Variants in NDEL1 observed in about 807,000 individuals in gnomAD.
The protein encoded by NDEL1 is nudE neurodevelopment protein 1 like 1.
A neutral mutation model predicts 45.7 loss-of-function variants in NDEL1; 9 were observed. The observed-to-expected ratio is 0.20, with a 90% CI of 0.12 to 0.34. NDEL1 has a LOEUF of 0.34. Ranked by LOEUF, NDEL1 falls within the 10% of genes least tolerant of loss-of-function variation. NDEL1 has a pLI of 1.00. For synonymous variants in NDEL1, 133 were observed against 158.6 expected, an observed-to-expected ratio of 0.84 and a Z score of 1.21; for missense variants, 306 against 406.2, an observed-to-expected ratio of 0.75 and a Z score of 2.12.
upstream of NDEL1, among the ~76,000 whole-genome samples, chr17:8,434,254 C>T (rs1195507767): frequency 6.6e-6 from 1 of 152,200 alleles, no homozygotes; most frequent in Non-Finnish European, 1.5e-5. Flanking sequence ...TAGACGGAGT[C>T]TCACTCTGTC....
At chr17:8,438,814 C>T (rs1269785832) in intron 1 of NDEL1, among the ~76,000 whole-genome samples, 1 of 152,016 alleles carries the variant, frequency 6.6e-6, no homozygotes, top group Non-Finnish European at 1.5e-5. Context: ...CTGTGCCTGG[C>T]CAGAATCTGA....
chr17:8,425,407 C>A (rs1908807367), intron 1 of NDEL1, among the ~76,000 whole-genome samples: 1 of 152,112 alleles, frequency 6.6e-6, no homozygotes, highest in South Asian at 2.1e-4. Flanking sequence ...CGTGGTGAAA[C>A]CCCATCTCTA....
At chr17:8,439,343 C>G (rs1202824707) in intron 1 of NDEL1, among the ~76,000 whole-genome samples, 1 of 151,526 alleles carries the variant, frequency 6.6e-6, no homozygotes, top group Non-Finnish European at 1.5e-5. Flanking sequence ...CGGGTTTGAG[C>G]GATTCTCCTG....
chr17:8,456,856 A>T (rs1008791011), intron 7 of NDEL1, among the ~76,000 whole-genome samples: 2 of 150,346 alleles, frequency 1.3e-5, no homozygotes, highest in Non-Finnish European at 3.0e-5. Flanking sequence ...CCACACTCCC[A>T]CTCCGCTTTC....
chr17:8,425,392 G>C (rs1191217205), intron 1 of NDEL1, among the ~76,000 whole-genome samples: 3 of 152,188 alleles, frequency 2.0e-5, no homozygotes, highest in African/African-American at 7.2e-5. Context: ...GACCAGCCTG[G>C]GCAACGTGGT....
upstream of NDEL1, chr17:8,435,813 T>G (rs1029394469): frequency 2.6e-5 from 11 of 428,240 alleles, no homozygotes; most frequent in Non-Finnish European, 4.6e-5. Context: ...CCGCCCCGCA[T>G]ACCCGTGCGC....
intron 6 of NDEL1, among the ~76,000 whole-genome samples, chr17:8,452,651 CT>C (rs1209850697): frequency 1.3e-5 from 2 of 151,224 alleles, no homozygotes; most frequent in Non-Finnish European, 2.9e-5. Flanking sequence ...TGTATTTTAC[CT>C]TTTACAATGT....
chr17:8,448,762 C>A, intron 5 of NDEL1, 76 bp downstream of exon 5: 2 of 1,380,546 alleles, frequency 1.4e-6, no homozygotes, highest in Non-Finnish European at 1.9e-6. Flanking sequence ...CACTTATACT[C>A]TGATTTTTTT....
chr17:8,471,001 G>C (rs1013457405), downstream of NDEL1, among the ~76,000 whole-genome samples: 1 of 152,210 alleles, frequency 6.6e-6, no homozygotes, highest in Admixed American at 6.5e-5. Context: ...GCTTTAGGGA[G>C]CACCCGGTAG....
intron 8 of NDEL1, chr17:8,461,369 A>T (rs1911192406): frequency 6.6e-6 from 1 of 152,200 alleles, no homozygotes; most frequent in Non-Finnish European, 1.5e-5. Flanking sequence ...CTAAAACATC[A>T]CTATACAAAT....
At chr17:8,446,421 A>G (rs1200538543) in intron 3 of NDEL1, among the ~76,000 whole-genome samples, 2 of 152,142 alleles carry the variant, frequency 1.3e-5, no homozygotes, top group Non-Finnish European at 2.9e-5. Flanking sequence ...AAGGTAGGGA[A>G]TGTGAACTCT....
At chr17:8,432,318 TTTATATATAAA>T (rs1909021353), upstream of NDEL1, among the ~76,000 whole-genome samples, 1 of 55,558 alleles carries the variant, frequency 1.8e-5, no homozygotes, top group East Asian at 5.8e-4. Context: ...TATATATATA[TTTATATATAAA>T]TATATATATT....
At chr17:8,444,809 A>G (rs1909978016) in intron 2 of NDEL1, 1 of 152,380 alleles carries the variant, frequency 6.6e-6, no homozygotes, top group African/African-American at 2.4e-5. Flanking sequence ...AGGGGCATGG[A>G]ACGTTTTATA....
upstream of NDEL1, among the ~76,000 whole-genome samples, chr17:8,432,341 TA>T (rs1567722360): frequency 9.1e-4 from 11 of 12,152 alleles, no homozygotes; most frequent in East Asian, 0.17. Flanking sequence ...ATATATATTA[TA>T]TATAAATATA....
chr17:8,457,009 G>A (rs1910890577), intron 7 of NDEL1, among the ~76,000 whole-genome samples: 1 of 152,166 alleles, frequency 6.6e-6, no homozygotes, highest in African/African-American at 2.4e-5. Flanking sequence ...ACTTTCAGAT[G>A]GGTCTTTATA....
intron 5 of NDEL1, among the ~76,000 whole-genome samples, chr17:8,450,325 A>G (rs902564247): frequency 1.3e-5 from 2 of 151,900 alleles, no homozygotes; most frequent in Non-Finnish European, 2.9e-5. Context: ...TGAAAGCATG[A>G]GAAAAATTTA....
At chr17:8,447,214 C>G (rs1910140544) in intron 4 of NDEL1, among the ~76,000 whole-genome samples, 1 of 152,212 alleles carries the variant, frequency 6.6e-6, no homozygotes, top group Non-Finnish European at 1.5e-5. Flanking sequence ...ATGATCTCGG[C>G]TCACTGCAAC....
chr17:8,455,227 A>G (rs1302520516), intron 7 of NDEL1, among the ~76,000 whole-genome samples: 3 of 152,102 alleles, frequency 2.0e-5, no homozygotes, highest in Admixed American at 6.6e-5. Flanking sequence ...GCTGCTGTCT[A>G]CCGTCTTCCT....
chr17:8,421,998 C>G (rs1009336476), intron 1 of NDEL1, among the ~76,000 whole-genome samples: 2 of 152,162 alleles, frequency 1.3e-5, no homozygotes, highest in African/African-American at 4.8e-5. Flanking sequence ...GAAGGGAAGT[C>G]ACTTTAACAA....
Sources: gnomAD v4.1 joint callset for allele counts (sites outside exome capture counted in the v4.1 genomes callset) on GRCh38, gnomAD v4.1.1 for gene constraint, MANE v1.5 for transcripts, NCBI Gene and HGNC (gene_info 2026-07-23, HGNC 2026-07-21) for gene names.